The following PTPN2 variants were observed in gnomAD, a reference collection of about 807,000 sequenced individuals.
PTPN2 encodes tyrosine-protein phosphatase non-receptor type 2.
In PTPN2, 19 loss-of-function variants were observed where a neutral mutation model predicts 57.3. The ratio of observed to expected loss-of-function variants is 0.33; its 90% CI spans 0.23 to 0.49. The LOEUF (loss-of-function observed/expected upper bound fraction) is 0.49, where lower values mean the gene tolerates loss of function less well. Among genes scored for constraint, PTPN2 ranks in the 20% least tolerant of loss-of-function variants. The pLI, the probability that PTPN2 is intolerant of heterozygous loss-of-function variation, is 0.99. For missense variants in PTPN2, 358 were observed against 501.1 expected, an observed-to-expected ratio of 0.71 and a Z score of 2.73; for synonymous variants, 153 against 164.9, an observed-to-expected ratio of 0.93 and a Z score of 0.55.
downstream of PTPN2, among the ~76,000 whole-genome samples, chr18:12,790,301 C>A (rs1164017864): frequency 2.0e-5 from 3 of 152,114 alleles, no homozygotes; most frequent in Non-Finnish European, 1.5e-5. Context: ...AACAACCAGG[C>A]AGGCAATTTG....
chr18:12,807,586 A>ATAT lies in PTPN2; in HGVS notation c.859-5436_859-5435insATA, dbSNP rs1555660749. On this transcript the variant is annotated intron_variant, in intron 7 of 8. Coordinates refer to ENST00000309660, the MANE Select transcript of PTPN2 (RefSeq NM_002828.4). ...AAATGTGGAAAAAAAAAAAAAAAAA[A>ATAT]ATATATATATATATATATAATATAA... Among the ~76,000 whole-genome samples, 89 of 35,186 alleles carry ATAT rather than the reference A, an allele frequency of 2.5e-3. 1 individual carries two copies. The highest frequency in any genetic ancestry group is 0.056 in the Middle Eastern group (1 of 18). 23.1% of individuals were successfully genotyped at this position (35,186 alleles called of 152,430 possible).
intron 2 of PTPN2, among the ~76,000 whole-genome samples, chr18:12,844,331 T>A (rs2043146577): frequency 1.3e-5 from 2 of 152,358 alleles, no homozygotes; most frequent in African/African-American, 2.4e-5. Context: ...ATAAGCTAAG[T>A]ATACGTTCAG....
chr18:12,828,115 GA>G (rs958873762), intron 4 of PTPN2, among the ~76,000 whole-genome samples: 18 of 151,300 alleles, frequency 1.2e-4, no homozygotes, highest in African/African-American at 4.1e-4. Context: ...GAAGGAAATG[GA>G]AAAAAAAAGT....
intron 1 of PTPN2, among the ~76,000 whole-genome samples, chr18:12,883,044 G>A (rs2044714868): frequency 1.3e-5 from 2 of 152,216 alleles, no homozygotes; most frequent in African/African-American, 4.8e-5. Flanking sequence ...AATCACAGGT[G>A]TTTATACTAC....
At chr18:12,830,124 A>G (rs2042618451) in intron 4 of PTPN2, among the ~76,000 whole-genome samples, 1 of 149,580 alleles carries the variant, frequency 6.7e-6, no homozygotes, top group South Asian at 2.1e-4. Context: ...CTTTTTTGAG[A>G]TGGAGTCTCA....
At chr18:12,849,011 A>C (rs1437673909) in intron 2 of PTPN2, among the ~76,000 whole-genome samples, 1 of 152,228 alleles carries the variant, frequency 6.6e-6, no homozygotes, top group African/African-American at 2.4e-5. Context: ...GGGAGACAGA[A>C]GTATAATGTT....
At chr18:12,867,954 T>A (rs956463209) in intron 1 of PTPN2, among the ~76,000 whole-genome samples, 5 of 152,252 alleles carry the variant, frequency 3.3e-5, no homozygotes, top group African/African-American at 1.2e-4. Flanking sequence ...ATTTTTCGTT[T>A]GTCTAACAAC....
At chr18:12,828,611 G>A (rs547800478) in intron 4 of PTPN2, among the ~76,000 whole-genome samples, 13 of 152,288 alleles carry the variant, frequency 8.5e-5, no homozygotes, top group Admixed American at 3.9e-4. Context: ...ATGTAAGATG[G>A]AAGGGGCTAA....
At chr18:12,866,437 AAAAACAAAACAAAACAAAACAAAAC>A (rs200227789) in intron 1 of PTPN2, among the ~76,000 whole-genome samples, 122 of 148,400 alleles carry the variant, frequency 8.2e-4, no homozygotes, top group African/African-American at 2.9e-3. Context: ...GACTCCTCTC[AAAAACAAAACAAAACAAAACAAAAC>A]AAAACAAAAC....
At chr18:12,841,643 C>A (rs538550044) in intron 2 of PTPN2, among the ~76,000 whole-genome samples, 1 of 152,260 alleles carries the variant, frequency 6.6e-6, no homozygotes, top group South Asian at 2.1e-4. Flanking sequence ...AAATCATCAG[C>A]GTCTTTCAAC....
At chr18:12,870,852 C>T (rs2044247427) in intron 1 of PTPN2, among the ~76,000 whole-genome samples, 1 of 152,022 alleles carries the variant, frequency 6.6e-6, no homozygotes, top group African/African-American at 2.4e-5. Context: ...TATTTATATA[C>T]ATATGCTCCC....
At chr18:12,880,613 C>A (rs1163392712) in intron 1 of PTPN2, 1 of 152,396 alleles carries the variant, frequency 6.6e-6, no homozygotes, top group Non-Finnish European at 1.5e-5. Context: ...CCTTACCTGT[C>A]AGGTGGCCCT....
At chr18:12,841,100 C>A (rs2043028730) in intron 2 of PTPN2, 2 of 820,168 alleles carry the variant, frequency 2.4e-6, no homozygotes, top group African/African-American at 1.7e-5. Flanking sequence ...AGTACTGATA[C>A]TTTATTGCAT....
At chr18:12,805,641 T>TTC (rs202084571) in intron 7 of PTPN2, among the ~76,000 whole-genome samples, 153 of 115,182 alleles carry the variant, frequency 1.3e-3, no homozygotes, top group Non-Finnish European at 2.0e-3. Context: ...CCTCCTTTCT[T>TTC]TTTTTTTTTT....
chr18:12,793,927 G>T lies in PTPN2; in HGVS notation c.*351C>A. 8.9e-7 allele frequency: 1 copy of T among 1,124,438 alleles called. No homozygotes were observed. The highest frequency in any genetic ancestry group is 1.1e-6 in the Non-Finnish European group (1 of 916,662). The allele number at this position is 1,124,438 out of a possible 1,614,324, so 69.7% of individuals were successfully genotyped here. On this transcript the variant is annotated 3_prime_UTR_variant, in exon 9 of 9. Transcript: ENST00000309660. Reference sequence around the variant, plus strand: ...TATTTATTGCTTATATCAAGTGCAGGTTAAAATCCAGATAGCCTCCAAAAA... The same window carrying T: ...TATTTATTGCTTATATCAAGTGCAGTTTAAAATCCAGATAGCCTCCAAAAA...
At chr18:12,833,927 G>A (rs1388787805) in intron 3 of PTPN2, among the ~76,000 whole-genome samples, 4 of 152,144 alleles carry the variant, frequency 2.6e-5, no homozygotes, top group African/African-American at 9.7e-5. Context: ...GAAAAACATA[G>A]AGAGGAATTC....
rs1568170162 is a variant in PTPN2, at chr18:12,870,477, A to AGAGG, written c.70-11224_70-11223insCCTC. On this transcript the variant is annotated intron_variant, in intron 1 of 8. Transcript: ENST00000309660. ...TATATATATATAGAGAGAGAGAGAG[A>AGAGG]GAGAGAGAGAGAGAGAGAGAGAAAA... is the stretch of plus-strand genomic sequence containing the variant. Among the ~76,000 whole-genome samples the AGAGG allele has an allele frequency of 1.5e-4, 15 of 99,538 alleles. 1 individual carries two copies. The highest frequency in any genetic ancestry group is 6.4e-4 in the African/African-American group (14 of 21,884). The allele number at this position is 99,538 out of a possible 152,430, so 65.3% of individuals were successfully genotyped here. A position where few individuals can be genotyped will look rare whatever the true frequency, so the allele number is the denominator to read the frequency against.
intron 2 of PTPN2, among the ~76,000 whole-genome samples, chr18:12,847,617 ATTTT>A (rs201950400): frequency 7.2e-6 from 1 of 138,902 alleles, no homozygotes; most frequent in Non-Finnish European, 1.6e-5. Context: ...AAAATTAAAG[ATTTT>A]TTTTTTTTTT....
At chr18:12,823,729 G>A (rs2042349907) in intron 5 of PTPN2, among the ~76,000 whole-genome samples, 1 of 152,024 alleles carries the variant, frequency 6.6e-6, no homozygotes, top group African/African-American at 2.4e-5. Flanking sequence ...TATTAGCTAA[G>A]TAATCGATGG....
Sources: gnomAD v4.1 joint callset for allele counts (sites outside exome capture counted in the v4.1 genomes callset) on GRCh38, gnomAD v4.1.1 for gene constraint, MANE v1.5 for transcripts, NCBI Gene and HGNC (gene_info 2026-07-23, HGNC 2026-07-21) for gene names.